The following RARB variants were observed in gnomAD, a reference collection of about 807,000 sequenced individuals.
RARB encodes HBV-activated protein.
A neutral mutation model predicts 51.9 loss-of-function variants in RARB; 17 were observed. The observed-to-expected ratio is 0.33, with a 90% CI of 0.22 to 0.49. The LOEUF is 0.49. RARB is among the 20% of genes least tolerant of loss of function. The pLI is 0.99. For synonymous variants in RARB, 215 were observed against 195.4 expected (o/e 1.10, Z -0.84); for missense variants, 369 against 550.8 (o/e 0.67, Z 3.30).
At chr3:25,152,860 G>T (rs956905185) in intron 4 of RARB, among the ~76,000 whole-genome samples, 1 of 152,120 alleles carries the variant, frequency 6.6e-6, no homozygotes, top group African/African-American at 2.4e-5. Flanking sequence ...ACAAAATAGG[G>T]TCAGGTGGAG....
chr3:25,293,142 T>G (rs1173588196), intron 5 of RARB, among the ~76,000 whole-genome samples: 1 of 152,160 alleles, frequency 6.6e-6, no homozygotes, highest in Non-Finnish European at 1.5e-5. Flanking sequence ...ATGTAGAATT[T>G]TTCGCCGTAT....
intron 1 of RARB, among the ~76,000 whole-genome samples, chr3:24,832,021 C>T (rs1334152181): frequency 5.9e-5 from 9 of 152,144 alleles, no homozygotes; most frequent in African/African-American, 2.2e-4. Context: ...AAGTTATTAA[C>T]ATCTTAAGAC....
At chr3:25,145,498 T>C (rs1700172056) in intron 4 of RARB, among the ~76,000 whole-genome samples, 1 of 88,668 alleles carries the variant, frequency 1.1e-5, no homozygotes, top group African/African-American at 4.0e-5. Flanking sequence ...AATTGTAAAT[T>C]TCAAAAAAAA....
At chr3:25,474,578 T>A (rs1437202544) in intron 2 of RARB, among the ~76,000 whole-genome samples, 1 of 152,166 alleles carries the variant, frequency 6.6e-6, no homozygotes, top group Non-Finnish European at 1.5e-5. Context: ...TTTGATGACA[T>A]TTATTCTGTT....
chr3:24,970,204 C>T (rs994235150), intron 2 of RARB, among the ~76,000 whole-genome samples: 7 of 152,034 alleles, frequency 4.6e-5, no homozygotes, highest in Admixed American at 2.6e-4. Context: ...ATGGCTGTAG[C>T]TTACCCACTG....
intron 2 of RARB, among the ~76,000 whole-genome samples, chr3:24,964,322 C>A (rs1387817844): frequency 6.6e-6 from 1 of 152,100 alleles, no homozygotes; most frequent in Non-Finnish European, 1.5e-5. Context: ...GGAATCTGTT[C>A]ATTGCTAACC....
intron 2 of RARB, among the ~76,000 whole-genome samples, chr3:24,950,038 T>C (rs1044338925): frequency 1.3e-5 from 2 of 152,192 alleles, no homozygotes; most frequent in Admixed American, 6.5e-5. Flanking sequence ...GCCATTGAAA[T>C]GTTAATGTAG....
chr3:25,151,928 T>A (rs1575183978), intron 4 of RARB, among the ~76,000 whole-genome samples: 1 of 147,870 alleles, frequency 6.8e-6, no homozygotes, highest in Admixed American at 6.9e-5. Flanking sequence ...TTTTTTTTTT[T>A]AAAGTACAAA....
intron 2 of RARB, among the ~76,000 whole-genome samples, chr3:24,899,451 C>T (rs549662387): frequency 9.9e-5 from 15 of 152,242 alleles, no homozygotes; most frequent in Non-Finnish European, 1.8e-4. Context: ...CCGTCACTGG[C>T]CAGTCATGTG....
At chr3:25,362,943 A>T (rs924382098) in intron 5 of RARB, among the ~76,000 whole-genome samples, 2 of 152,182 alleles carry the variant, frequency 1.3e-5, no homozygotes, top group African/African-American at 4.8e-5. Flanking sequence ...AACAGAGCTT[A>T]GATTTTATGG....
intron 2 of RARB, among the ~76,000 whole-genome samples, chr3:24,882,678 T>A (rs73135543): frequency 0.016 from 2,382 of 152,290 alleles, 51 homozygotes; most frequent in African/African-American, 0.054. Context: ...TTTCATAGTT[T>A]AACTGCCCCA....
intron 1 of RARB, among the ~76,000 whole-genome samples, chr3:24,853,373 T>C (rs988915287): frequency 2.6e-5 from 4 of 152,196 alleles, no homozygotes; most frequent in African/African-American, 9.7e-5. Context: ...TGATTATTTC[T>C]ATGTCAATTC....
chr3:25,357,833 T>G (rs1315068960), intron 5 of RARB, among the ~76,000 whole-genome samples: 3 of 152,196 alleles, frequency 2.0e-5, no homozygotes, highest in African/African-American at 7.2e-5. Context: ...TGTGGTGTTA[T>G]TTCTGAGACC....
chr3:25,282,369 A>G (rs1703544450), intron 5 of RARB, among the ~76,000 whole-genome samples: 1 of 152,212 alleles, frequency 6.6e-6, no homozygotes, highest in South Asian at 2.1e-4. Context: ...ATCATTCTTC[A>G]AATGTCACCT....
intron 2 of RARB, among the ~76,000 whole-genome samples, chr3:24,943,118 A>G (rs71311516): frequency 0.12 from 18,515 of 152,238 alleles, 1,339 homozygotes; most frequent in Non-Finnish European, 0.16. Flanking sequence ...CTTGACTTAG[A>G]TTCCTAAATC....
chr3:25,189,965 T>G (rs2125362777), intron 5 of RARB, among the ~76,000 whole-genome samples: 1 of 152,180 alleles, frequency 6.6e-6, no homozygotes, highest in African/African-American at 2.4e-5. Context: ...CCTTTCCTTT[T>G]TATGTGCTTG....
In RARB at chr3:25,486,957, C is replaced by T. The variant is rs188749668; in HGVS notation, c.307-14225C>T. ...GATTAGGACAAGGTTTGGATTAGGTCAAGTATACCTATGATGACCTCTGAT... is the reference window on the plus strand; with the variant it reads ...GATTAGGACAAGGTTTGGATTAGGTTAAGTATACCTATGATGACCTCTGAT... On this transcript the variant is annotated intron_variant, in intron 2 of 7. Transcript: ENST00000330688. 2.8e-3 allele frequency among the ~76,000 whole-genome samples: 420 copies of T among 152,242 alleles called. 7 individuals carry two copies. The highest frequency in any genetic ancestry group is 0.02 in the Admixed American group (309 of 15,294).
intron 2 of RARB, among the ~76,000 whole-genome samples, chr3:25,054,160 A>T (rs1433615149): frequency 6.6e-6 from 1 of 152,172 alleles, no homozygotes; most frequent in African/African-American, 2.4e-5. Flanking sequence ...AAGTAGTTTT[A>T]TGTGTCTAAA....
At chr3:24,933,578 A>G (rs1695486745) in intron 2 of RARB, among the ~76,000 whole-genome samples, 1 of 152,096 alleles carries the variant, frequency 6.6e-6, no homozygotes, top group South Asian at 2.1e-4. Flanking sequence ...GGCAGAGCAA[A>G]TGAGGACTCT....
Sources: allele counts gnomAD v4.1 joint callset (sites outside exome capture counted in the v4.1 genomes callset), GRCh38; gene constraint gnomAD v4.1.1; transcripts MANE v1.5; gene names NCBI Gene and HGNC (gene_info 2026-07-23, HGNC 2026-07-21).